Variants in EYS observed in about 807,000 individuals in gnomAD.
The protein encoded by EYS is EGF-like photoreceptor maintenance factor.
In EYS, 250 loss-of-function variants were observed where a neutral mutation model predicts 282.1. The ratio of observed to expected loss-of-function variants is 0.89; its 90% CI spans 0.80 to 0.98. The LOEUF is 0.98. Ranked by LOEUF, EYS falls within the 50% of genes least tolerant of loss-of-function variation. EYS has a pLI of 0.00. For synonymous variants in EYS, 1,355 were observed against 1,282.9 expected (o/e 1.06, Z -1.20); for missense variants, 4,016 against 3,709.0 (o/e 1.08, Z -2.15).
intron 23 of EYS, among the ~76,000 whole-genome samples, chr6:64,619,084 G>A (rs1225161725): frequency 6.6e-6 from 1 of 152,130 alleles, no homozygotes; most frequent in Admixed American, 6.5e-5. Context: ...AGTTACTTCA[G>A]GGAGTGGGAT....
At chr6:65,091,844 CCACTGTTGTCTGTGAAAAATATAACTG>C (rs1157798792) in intron 12 of EYS, among the ~76,000 whole-genome samples, 4 of 151,586 alleles carry the variant, frequency 2.6e-5, no homozygotes, top group African/African-American at 9.7e-5. Flanking sequence ...TGGCTTTGAG[CCACTGTTGTCTGTGAAAAATATAACTG>C]CACTGCTGAC....
intron 22 of EYS, among the ~76,000 whole-genome samples, chr6:64,707,198 T>A (rs1771051045): frequency 1.3e-5 from 2 of 151,934 alleles, no homozygotes; most frequent in South Asian, 4.2e-4. Context: ...TTTTCAGCAA[T>A]CTGAATAGAA....
intron 29 of EYS, among the ~76,000 whole-genome samples, chr6:64,348,114 C>T (rs1364159016): frequency 6.6e-6 from 1 of 151,300 alleles, no homozygotes; most frequent in Non-Finnish European, 1.5e-5. Context: ...GCTAAAAGAA[C>T]TGATTGAGAA....
rs149243302 is a variant in EYS at position 65,132,884 on chromosome 6, C to T, written c.2024-75157G>A. Among the ~76,000 whole-genome samples the T allele has an allele frequency of 9.0e-4, 136 of 151,896 alleles. 2 individuals carry two copies. In the East Asian group the frequency reaches 0.022, roughly 25 times the overall value. ...TGAAGATTTAGGATAAAAAAACCAA[C>T]GTACGAAAATCACTAGCATTCTTAC... On this transcript the variant is annotated intron_variant, in intron 12 of 42. Coordinates refer to ENST00000503581, the MANE Select transcript of EYS (RefSeq NM_001142800.2).
At chr6:64,258,830 T>A (rs893430491) in intron 30 of EYS, among the ~76,000 whole-genome samples, 4 of 152,006 alleles carry the variant, frequency 2.6e-5, no homozygotes, top group African/African-American at 9.7e-5. Context: ...CATAGACACC[T>A]AATTCAACAC....
intron 23 of EYS, among the ~76,000 whole-genome samples, chr6:64,619,223 A>C (rs945525027): frequency 6.6e-6 from 1 of 152,154 alleles, no homozygotes; most frequent in Non-Finnish European, 1.5e-5. Context: ...TTCTGATCGA[A>C]TATTTCAAAA....
At chr6:65,466,179 A>T (rs868301936) in intron 5 of EYS, among the ~76,000 whole-genome samples, 13 of 152,136 alleles carry the variant, frequency 8.5e-5, no homozygotes, top group Admixed American at 2.6e-4. Flanking sequence ...ATGATTTCAA[A>T]TACCACCACT....
intron 34 of EYS, among the ~76,000 whole-genome samples, chr6:63,989,554 T>C (rs1767517775): frequency 6.6e-6 from 1 of 151,678 alleles, no homozygotes; most frequent in Admixed American, 6.6e-5. Context: ...TATGTTAATA[T>C]ATATTTTTAT....
intron 1 of EYS, among the ~76,000 whole-genome samples, chr6:65,681,684 A>G (rs1768826916): frequency 6.6e-6 from 1 of 151,926 alleles, no homozygotes; most frequent in Admixed American, 6.6e-5. Context: ...CATAAATATC[A>G]TTCTCCTGTC....
At chr6:65,671,717 C>G (rs1362656691) in intron 1 of EYS, among the ~76,000 whole-genome samples, 2 of 152,102 alleles carry the variant, frequency 1.3e-5, no homozygotes, top group Non-Finnish European at 2.9e-5. Context: ...GCCAGCCACA[C>G]TGAAGTTGAT....
chr6:65,175,273 A>G (rs1049907533), intron 12 of EYS, among the ~76,000 whole-genome samples: 7 of 151,480 alleles, frequency 4.6e-5, no homozygotes, highest in South Asian at 4.1e-4. Flanking sequence ...AACTGGAAAC[A>G]GTTTTCAGAC....
chr6:64,945,078 T>C (rs1260830342), intron 15 of EYS, among the ~76,000 whole-genome samples: 1 of 150,238 alleles, frequency 6.7e-6, no homozygotes, highest in Non-Finnish European at 1.5e-5. Context: ...TGCAGGTCCT[T>C]GGTATGCTGA....
At chr6:65,597,697 C>A (rs994519712) in intron 2 of EYS, among the ~76,000 whole-genome samples, 1 of 152,066 alleles carries the variant, frequency 6.6e-6, no homozygotes, top group Non-Finnish European at 1.5e-5. Context: ...CAAGAATAAT[C>A]TGTCATGACT....
At chr6:63,837,478 G>A (rs541370980) in intron 36 of EYS, among the ~76,000 whole-genome samples, 1 of 152,190 alleles carries the variant, frequency 6.6e-6, no homozygotes, top group South Asian at 2.1e-4. Context: ...CCAGAAAGGG[G>A]TAAAAATATG....
In EYS at chr6:64,902,398, C is replaced by T. The variant is rs1402924399; in HGVS notation, c.2738+6G>A. The T allele has an allele frequency of 6.5e-7, 1 of 1,532,664 alleles. No individual in the cohort carries two copies. Among genetic ancestry groups the T allele is most frequent in the East Asian group, 2.5e-5 (1 of 40,692 alleles). 94.9% of individuals were successfully genotyped at this position (1,532,664 alleles called of 1,614,324 possible). A position where few individuals can be genotyped will look rare whatever the true frequency, so the allele number is the denominator to read the frequency against. On this transcript the variant is annotated splice_donor_region_variant and intron_variant, in intron 17 of 42. Coordinates refer to ENST00000503581, the MANE Select transcript of EYS (RefSeq NM_001142800.2). Reference sequence around the variant, plus strand: ...TGTATCTAGATACTTTTTAAGTTTTCTGTACCTGAAATTGTTGACCATATC... The same window carrying T: ...TGTATCTAGATACTTTTTAAGTTTTTTGTACCTGAAATTGTTGACCATATC...
intron 26 of EYS, among the ~76,000 whole-genome samples, chr6:64,477,718 A>G (rs561680491): frequency 1.3e-5 from 2 of 152,294 alleles, no homozygotes; most frequent in Admixed American, 6.5e-5. Flanking sequence ...CAAGATAAAT[A>G]GGGGCCAATG....
intron 36 of EYS, among the ~76,000 whole-genome samples, chr6:63,856,466 C>G (rs770382337): frequency 6.6e-5 from 10 of 152,178 alleles, no homozygotes; most frequent in Non-Finnish European, 4.4e-5. Flanking sequence ...GTTTAGTGTT[C>G]TACTGACAGT....
chr6:64,093,633 A>C (rs1399139641), intron 31 of EYS, among the ~76,000 whole-genome samples: 1 of 152,174 alleles, frequency 6.6e-6, no homozygotes, highest in African/African-American at 2.4e-5. Flanking sequence ...GAAGTTGCCT[A>C]TCAGCTTTAG....
intron 12 of EYS, among the ~76,000 whole-genome samples, chr6:65,183,239 T>C (rs188302291): frequency 5.4e-4 from 82 of 152,126 alleles, no homozygotes; most frequent in African/African-American, 1.6e-3. Flanking sequence ...TAATGCCATA[T>C]GTTCTCATTC....
Sources: gnomAD v4.1 joint callset for allele counts (sites outside exome capture counted in the v4.1 genomes callset) on GRCh38, gnomAD v4.1.1 for gene constraint, MANE v1.5 for transcripts, NCBI Gene and HGNC (gene_info 2026-07-23, HGNC 2026-07-21) for gene names.